The following PRKD3 variants were observed in gnomAD, a reference collection of about 807,000 sequenced individuals.
The protein encoded by PRKD3 is serine/threonine-protein kinase D3.
Under a neutral mutation model 99.2 loss-of-function variants are expected in PRKD3, and 47 were observed. That is an observed-to-expected ratio of 0.47 (90% CI 0.38 to 0.60). The LOEUF (loss-of-function observed/expected upper bound fraction) is 0.60, where lower values mean the gene tolerates loss of function less well. Among genes scored for constraint, PRKD3 ranks in the 20% least tolerant of loss-of-function variants. PRKD3 has a pLI of 0.00. For missense variants in PRKD3, 1,019 were observed against 1,088.4 expected (o/e 0.94, Z 0.90); for synonymous variants, 392 against 355.4 (o/e 1.10, Z -1.16).
intron 17 of PRKD3, among the ~76,000 whole-genome samples, chr2:37,255,176 ATC>A (rs1222940033): frequency 2.6e-5 from 4 of 152,354 alleles, no homozygotes; most frequent in African/African-American, 9.6e-5. Context: ...ATCAAAAAAC[ATC>A]TCTTATGAGC....
In PRKD3 at chr2:37,316,217, G is replaced by A; in HGVS notation, c.288+20C>T. 9 of 1,579,108 alleles carry A rather than the reference G, an allele frequency of 5.7e-6. No individual in the cohort carries two copies. The highest frequency in any genetic ancestry group is 7.8e-6 in the Non-Finnish European group (9 of 1,151,100). On this transcript the variant is annotated intron_variant, in intron 2 of 18. Coordinates refer to ENST00000234179, the MANE Select transcript of PRKD3 (RefSeq NM_005813.6). ...ATCAGTAACAATATTATTTACTACT[G>A]ATAATAGCACACACAGTACCTTTTG...
At chr2:37,257,444 T>A (rs1668045923) in intron 16 of PRKD3, among the ~76,000 whole-genome samples, 1 of 151,982 alleles carries the variant, frequency 6.6e-6, no homozygotes, top group Non-Finnish European at 1.5e-5. Flanking sequence ...GGCGGGCGGA[T>A]CACGAGGTCA....
intron 12 of PRKD3, among the ~76,000 whole-genome samples, chr2:37,270,414 A>C (rs1669166281): frequency 6.7e-6 from 1 of 149,762 alleles, no homozygotes; most frequent in Non-Finnish European, 1.5e-5. Flanking sequence ...TGAGAGACTG[A>C]AGAAAAGAAT....
At chr2:37,324,400 C>A (rs1348327070) in intron 1 of PRKD3, 1 of 172,114 alleles carries the variant, frequency 5.8e-6, no homozygotes, top group African/African-American at 2.4e-5. Context: ...GAACTTGGCC[C>A]CTCTGGCGGC....
chr2:37,259,177 G>A (rs1056325543), intron 16 of PRKD3, among the ~76,000 whole-genome samples: 3 of 152,152 alleles, frequency 2.0e-5, no homozygotes, highest in African/African-American at 7.2e-5. Context: ...TAGGTTGTTT[G>A]AATACAATAC....
chr2:37,269,250 A>G (rs1281759713), intron 13 of PRKD3: 1 of 219,402 alleles, frequency 4.6e-6, no homozygotes, highest in Non-Finnish European at 9.4e-6. Context: ...CAGTAGACAA[A>G]TGGTGCCATT....
Position 37,260,321 on chromosome 2 carries a change from C to A in PRKD3, c.1948G>T (p.Val650Leu). 6.2e-7 allele frequency: 1 copy of A among 1,609,678 alleles called. No homozygotes were observed. The highest frequency in any genetic ancestry group is 8.5e-7 in the Non-Finnish European group (1 of 1,176,112). The change falls in exon 15 of 19, where the codon GTA (valine) becomes TTA (leucine). Residue 650 changes from valine (V) to leucine (L), a missense_variant. Coordinates refer to ENST00000234179, the MANE Select transcript of PRKD3 (RefSeq NM_005813.6). ...CMFETPERVFVVMEKLHGDML... is the reference protein window; with the variant it reads ...CMFETPERVFLVMEKLHGDML... ...TCTCCATGCAGCTTTTCCATTACTA[C>A]AAAGACTCGTTCTGGGGTTTCAAAC...
intron 14 of PRKD3, among the ~76,000 whole-genome samples, chr2:37,265,716 A>C (rs1176587261): frequency 6.6e-6 from 1 of 152,352 alleles, no homozygotes; most frequent in African/African-American, 2.4e-5. Flanking sequence ...TCTACAACAA[A>C]GATAGTCTTG....
chr2:37,260,457 G>A, intron 14 of PRKD3, 73 bp from the exon 15 acceptor site: 2 of 1,345,638 alleles, frequency 1.5e-6, no homozygotes, highest in Non-Finnish European at 2.1e-6. Flanking sequence ...GATGTGCTAT[G>A]ATTGTCTGAA....
At chr2:37,261,914 GTTT>G (rs1317149630) in intron 14 of PRKD3, among the ~76,000 whole-genome samples, 3 of 151,624 alleles carry the variant, frequency 2.0e-5, no homozygotes, top group African/African-American at 7.3e-5. Context: ...CAACCATTCC[GTTT>G]TTTTGAGTAT....
rs1042704555 is a variant in PRKD3, at chr2:37,316,406, A to G, written c.119T>C (p.Leu40Pro). The change falls in exon 2 of 19, where the codon CTC becomes CCC. Residue 40 changes from leucine (L) to proline (P), a missense_variant. Transcript: ENST00000234179. ...SSPKTGLSAR[L>P]SNGSFSAPSL... is the part of the protein sequence containing the mutation. ...TGGTGCACTGAAGCTTCCATTAGAG[A>G]GTCGGGCAGAGAGTCCCGTCTTAGG... 3 of 1,614,060 alleles carry G rather than the reference A, an allele frequency of 1.9e-6. No individual in the cohort carries two copies. Among genetic ancestry groups the G allele is most frequent in the African/African-American group, 2.7e-5 (2 of 74,928 alleles).
At chr2:37,297,963 G>C (rs1330884537) in intron 2 of PRKD3, among the ~76,000 whole-genome samples, 1 of 152,126 alleles carries the variant, frequency 6.6e-6, no homozygotes, top group Non-Finnish European at 1.5e-5. Flanking sequence ...GGAAAGGTTT[G>C]TTTGTTTCCT....
At position 37,251,178 on chromosome 2, in the gene PRKD3, AGG is replaced by A. The variant is rs1667459786; in HGVS notation, c.*1997_*1998del. The A allele has an allele frequency of 6.6e-6, 1 of 152,600 alleles. No individual in the cohort carries two copies. The highest frequency in any genetic ancestry group is 1.5e-5 in the Non-Finnish European group (1 of 68,024). 9.5% of individuals were successfully genotyped at this position (152,600 alleles called of 1,614,324 possible). ...AAACTGGGAAGTCATCCTCTATCAC[AGG>A]GAAAATAACATTTCTAAAAAAAAAT... On this transcript the variant is annotated 3_prime_UTR_variant, in exon 19 of 19. Transcript: ENST00000234179.
intron 1 of PRKD3, 103 bp from the exon 2 acceptor site, chr2:37,317,282 CT>C: frequency 2.2e-6 from 1 of 451,548 alleles, no homozygotes; most frequent in Non-Finnish European, 2.9e-6. Flanking sequence ...TGGTCATATG[CT>C]TATAATTCAC....
chr2:37,294,384 C>T (rs1310736564), intron 2 of PRKD3, among the ~76,000 whole-genome samples: 1 of 151,956 alleles, frequency 6.6e-6, no homozygotes, highest in Non-Finnish European at 1.5e-5. Flanking sequence ...GCATGAGCCA[C>T]CACAACTGGC....
At chr2:37,282,455 G>A (rs1572659278) in intron 7 of PRKD3, 87 bp downstream of exon 7, 2 of 877,394 alleles carry the variant, frequency 2.3e-6, no homozygotes, top group East Asian at 5.0e-5. Context: ...AAATAAATCA[G>A]GAAAACAGAA....
Position 37,269,615 on chromosome 2 carries a change from C to T in PRKD3, c.1777G>A (p.Gly593Arg). 2 of 1,608,352 alleles carry T rather than the reference C, an allele frequency of 1.2e-6. No homozygotes were observed. Among genetic ancestry groups the T allele is most frequent in the Non-Finnish European group, 1.7e-6 (2 of 1,174,814 alleles). ...GSGQFGIVYG[G>R]KHRKTGRDVA... is the part of the protein sequence containing the mutation. Reference sequence around the variant, plus strand: ...TATGCAAACGGCTGTAGTTGCTTACCTCCATAAACGATGCCAAACTGGCCT... The same window carrying T: ...TATGCAAACGGCTGTAGTTGCTTACTTCCATAAACGATGCCAAACTGGCCT... Residue 593 changes from glycine to arginine, a missense_variant and splice_region_variant, in exon 13 of 19, where the codon GGA becomes AGA. Transcript: ENST00000234179.
At chr2:37,306,222 G>T (rs1671160391) in intron 2 of PRKD3, among the ~76,000 whole-genome samples, 1 of 151,992 alleles carries the variant, frequency 6.6e-6, no homozygotes, top group African/African-American at 2.4e-5. Context: ...GGCGTTAAGT[G>T]GCCTCCCAGC....
intron 11 of PRKD3, among the ~76,000 whole-genome samples, chr2:37,273,670 A>G (rs1241670912): frequency 6.6e-6 from 1 of 152,254 alleles, no homozygotes; most frequent in Non-Finnish European, 1.5e-5. Context: ...TAATAGTTGT[A>G]CAAAATAATA....
Sources: allele counts gnomAD v4.1 joint callset (sites outside exome capture counted in the v4.1 genomes callset), GRCh38; gene constraint gnomAD v4.1.1; transcripts MANE v1.5; gene names NCBI Gene and HGNC (gene_info 2026-07-23, HGNC 2026-07-21).